The following NIPA1 variants were observed in gnomAD, a reference collection of about 807,000 sequenced individuals.
The protein encoded by NIPA1 is NIPA magnesium transporter 1, also known as magnesium transporter NIPA1.
A neutral mutation model predicts 23.9 loss-of-function variants in NIPA1; 13 were observed. That is an observed-to-expected ratio of 0.54 (90% CI 0.35 to 0.87). The LOEUF (loss-of-function observed/expected upper bound fraction) is 0.87, where lower values mean the gene tolerates loss of function less well. NIPA1 is among the 40% of genes least tolerant of loss of function. NIPA1 has a pLI of 0.01. For synonymous variants in NIPA1, 234 were observed against 202.9 expected (o/e 1.15, Z -1.30); for missense variants, 362 against 429.7 (o/e 0.84, Z 1.39).
At chr15:22,786,641 GGCGGGC>G (rs1894705691) in exon 1 of NIPA1, 1 of 993,106 alleles carries the variant, frequency 1.0e-6, no homozygotes, top group African/African-American at 1.8e-5. Flanking sequence ...AGGCTCGGAG[GGCGGGC>G]GCGGGCGGAA....
intron 1 of NIPA1, among the ~76,000 whole-genome samples, chr15:22,798,468 T>C (rs1007561377): frequency 1.3e-5 from 2 of 148,982 alleles, no homozygotes; most frequent in Admixed American, 6.7e-5. Flanking sequence ...CTTGATCTCC[T>C]GACCTTGTGA....
chr15:22,820,562 C>A lies in NIPA1; in HGVS notation c.478+89C>A, dbSNP rs568547099. On this transcript the variant is annotated intron_variant, in intron 4 of 4. Transcript: ENST00000337435. ...CGTCTTCAAATTGGATGCTTCCTGG[C>A]AGGGCAGAGGAACCGTGTGTCCACC... The A allele has an allele frequency of 4.2e-6, 4 of 962,160 alleles. No homozygotes were observed. In the South Asian group the frequency reaches 5.2e-5, roughly 12 times the overall value. 59.6% of individuals were successfully genotyped at this position (962,160 alleles called of 1,614,324 possible).
intron 3 of NIPA1, among the ~76,000 whole-genome samples, chr15:22,813,418 G>C (rs1243912223): frequency 1.3e-5 from 2 of 152,128 alleles, no homozygotes; most frequent in African/African-American, 2.4e-5. Flanking sequence ...GGGAACTGGA[G>C]GGCTGCAAGC....
intron 2 of NIPA1, among the ~76,000 whole-genome samples, chr15:22,811,687 C>A (rs548066161): frequency 6.6e-6 from 1 of 152,160 alleles, no homozygotes; most frequent in Non-Finnish European, 1.5e-5. Flanking sequence ...CAATTCTGTT[C>A]CTTGAAGAGC....
chr15:22,806,984 G>T (rs1895223493), intron 1 of NIPA1, among the ~76,000 whole-genome samples: 1 of 152,080 alleles, frequency 6.6e-6, no homozygotes, highest in African/African-American at 2.4e-5. Flanking sequence ...AACCTGACTT[G>T]CTTAATGTCT....
intron 1 of NIPA1, among the ~76,000 whole-genome samples, chr15:22,788,118 A>G (rs146627716): frequency 6.6e-6 from 1 of 152,234 alleles, no homozygotes; most frequent in Non-Finnish European, 1.5e-5. Flanking sequence ...GCGTGACCTT[A>G]TAAATAGGAT....
At chr15:22,816,509 T>TC (rs34450287) in intron 3 of NIPA1, among the ~76,000 whole-genome samples, 1 of 132,946 alleles carries the variant, frequency 7.5e-6, no homozygotes, top group East Asian at 2.2e-4. Context: ...TTTTTTTTTT[T>TC]CAGATGGAGT....
chr15:22,814,059 A>G (rs1242415947), intron 3 of NIPA1: 2 of 1,219,796 alleles, frequency 1.6e-6, no homozygotes, highest in Admixed American at 2.3e-5. Flanking sequence ...TTCACCAGAA[A>G]TGTTCACTGC....
Position 22,825,835 on chromosome 15 carries a change from T to C in NIPA1, c.*1596T>C, listed in dbSNP as rs1420326432. On this transcript the variant is annotated 3_prime_UTR_variant, in exon 5 of 5. Coordinates refer to ENST00000337435, the MANE Select transcript of NIPA1 (RefSeq NM_144599.5). The stretch of plus-strand genomic sequence containing the variant: ...ATGTGTCTTAAATGCAAAAGAGCCA[T>C]TAATTATGCCAGTATTTGAATCAAA... The C allele has an allele frequency of 1.3e-5, 2 of 152,646 alleles. No homozygotes were observed. Among genetic ancestry groups the C allele is most frequent in the African/African-American group, 4.8e-5 (2 of 41,452 alleles). 9.5% of individuals were successfully genotyped at this position (152,646 alleles called of 1,614,324 possible).
intron 3 of NIPA1, among the ~76,000 whole-genome samples, chr15:22,817,316 G>A (rs372242432): frequency 2.3e-4 from 34 of 150,300 alleles, no homozygotes; most frequent in African/African-American, 7.8e-4. Context: ...CCTGACCAAC[G>A]TGGTGAAACC....
chr15:22,795,929 C>T (rs1894930726), intron 1 of NIPA1, among the ~76,000 whole-genome samples: 2 of 151,950 alleles, frequency 1.3e-5, no homozygotes, highest in African/African-American at 4.8e-5. Context: ...AATCCACCTA[C>T]AGATAAGGCA....
intron 1 of NIPA1, among the ~76,000 whole-genome samples, chr15:22,794,890 T>C (rs1178075076): frequency 1.3e-5 from 2 of 152,110 alleles, no homozygotes; most frequent in African/African-American, 4.8e-5. Flanking sequence ...GGCCCTCTCC[T>C]GTCCCCTGAC....
intron 1 of NIPA1, among the ~76,000 whole-genome samples, chr15:22,797,930 C>T (rs959338485): frequency 6.6e-6 from 1 of 151,304 alleles, no homozygotes; most frequent in Non-Finnish European, 1.5e-5. Flanking sequence ...CTGCAAGCTC[C>T]GCCTCCTGGG....
rs1894709649 is a variant in NIPA1, at chr15:22,786,698, G to A, written c.42G>A (p.Ala14=). Residue 14 remains alanine (A), a synonymous_variant, in exon 1 of 5, where the codon GCG becomes GCA. Coordinates refer to ENST00000337435, the MANE Select transcript of NIPA1 (RefSeq NM_144599.5). ...AAAAAAAAAA[A]AAGEGARSPS... is the part of the protein sequence containing the mutation. ...CGGCAGCGGCGGCGGCGGCGGCGGC[G>A]GCGGCCGGGGAGGGGGCGCGTAGCC... 8.8e-7 allele frequency: 1 copy of A among 1,130,244 alleles called. No individual in the cohort carries two copies. The highest frequency in any genetic ancestry group is 1.1e-6 in the Non-Finnish European group (1 of 922,780). The allele number at this position is 1,130,244 out of a possible 1,614,324, so 70.0% of individuals were successfully genotyped here.
chr15:22,823,215 A>ATT (rs111286012), intron 4 of NIPA1, among the ~76,000 whole-genome samples: 23 of 108,034 alleles, frequency 2.1e-4, no homozygotes, highest in African/African-American at 8.2e-4. Flanking sequence ...CCTTCTGTAA[A>ATT]TTTTTTTTTT....
intron 3 of NIPA1, among the ~76,000 whole-genome samples, chr15:22,812,545 C>T (rs965462067): frequency 2.0e-5 from 3 of 151,704 alleles, no homozygotes; most frequent in Non-Finnish European, 2.9e-5. Context: ...CCTAGCTACT[C>T]GGGAGGGTGA....
At chr15:22,811,633 T>C (rs1281700548) in intron 2 of NIPA1, among the ~76,000 whole-genome samples, 2 of 152,138 alleles carry the variant, frequency 1.3e-5, no homozygotes, top group African/African-American at 4.8e-5. Context: ...TCATGTACTT[T>C]GTTTGTCACA....
At chr15:22,815,141 T>C (rs1881818414) in intron 3 of NIPA1, among the ~76,000 whole-genome samples, 1 of 152,196 alleles carries the variant, frequency 6.6e-6, no homozygotes, top group Non-Finnish European at 1.5e-5. Flanking sequence ...TAAGTTATGA[T>C]TCTTTACCCC....
At chr15:22,803,019 C>A (rs879596503) in intron 1 of NIPA1, among the ~76,000 whole-genome samples, 1 of 151,584 alleles carries the variant, frequency 6.6e-6, no homozygotes, top group South Asian at 2.1e-4. Context: ...TGCAGTGGTG[C>A]GATCTTGGCT....
Sources: allele counts gnomAD v4.1 joint callset (sites outside exome capture counted in the v4.1 genomes callset), GRCh38; gene constraint gnomAD v4.1.1; transcripts MANE v1.5; gene names NCBI Gene and HGNC (gene_info 2026-07-23, HGNC 2026-07-21).